The following ATOH8 variants were observed in gnomAD, a reference collection of about 807,000 sequenced individuals.
ATOH8 encodes atonal bHLH transcription factor 8, also known as transcription factor ATOH8.
In ATOH8, 9 loss-of-function variants were observed where a neutral mutation model predicts 21.2. The observed-to-expected ratio is 0.42, with a 90% CI of 0.26 to 0.74. The LOEUF (loss-of-function observed/expected upper bound fraction) is 0.74, where lower values mean the gene tolerates loss of function less well. Among genes scored for constraint, ATOH8 ranks in the 30% least tolerant of loss-of-function variants. The probability of loss-of-function intolerance (pLI) is 0.24; values close to 1 mark genes in which losing one functional copy is unlikely to be tolerated. For synonymous variants in ATOH8, 253 were observed against 224.0 expected, an observed-to-expected ratio of 1.13 and a Z score of -1.16; for missense variants, 524 against 470.9, an observed-to-expected ratio of 1.11 and a Z score of -1.04.
In ATOH8 at chr2:85,780,640, C is replaced by T. The variant is rs75807002; in HGVS notation, c.961-6245C>T. 1,196 of 153,636 alleles carry T rather than the reference C, an allele frequency of 7.8e-3. 6 individuals are homozygous for T. The highest frequency in any genetic ancestry group is 0.013 in the Non-Finnish European group (877 of 69,232). 9.5% of individuals were successfully genotyped at this position (153,636 alleles called of 1,614,324 possible). A position where few individuals can be genotyped will look rare whatever the true frequency, so the allele number is the denominator to read the frequency against. The stretch of plus-strand genomic sequence containing the variant: ...CCCCTAGAGTTAGACTGTAAGCTGC[C>T]GCAGTGCCTGGGACAGGACTGGCCC... On this transcript the variant is annotated intron_variant, in intron 2 of 2. Coordinates refer to ENST00000306279, the MANE Select transcript of ATOH8 (RefSeq NM_032827.7).
chr2:85,778,645 A>G (rs926005335), intron 2 of ATOH8, among the ~76,000 whole-genome samples: 1 of 152,124 alleles, frequency 6.6e-6, no homozygotes, highest in Admixed American at 6.5e-5. Context: ...GCTGGCCAGC[A>G]CTTTGGTGTG....
chr2:85,756,831 C>T (rs996996613), intron 1 of ATOH8, among the ~76,000 whole-genome samples: 2 of 150,378 alleles, frequency 1.3e-5, no homozygotes, highest in Admixed American at 6.6e-5. Context: ...TCATGTGCCA[C>T]CCCCCCAGCC....
chr2:85,773,963 G>A (rs1245410744), intron 2 of ATOH8: 7 of 449,078 alleles, frequency 1.6e-5, no homozygotes, highest in Non-Finnish European at 2.1e-5. Context: ...TTGGATGCTG[G>A]AGCTGGTCCC....
At chr2:85,765,761 G>A (rs1160716116) in intron 2 of ATOH8, among the ~76,000 whole-genome samples, 1 of 152,178 alleles carries the variant, frequency 6.6e-6, no homozygotes, top group Non-Finnish European at 1.5e-5. Context: ...CCGCCTTCCC[G>A]GGTTCTTTGA....
Position 85,754,207 on chromosome 2 carries a change from C to T in ATOH8, c.18C>T (p.Val6=). 1 of 1,597,892 alleles carries T rather than the reference C, an allele frequency of 6.3e-7. No homozygotes were observed. The highest frequency in any genetic ancestry group is 1.1e-5 in the South Asian group (1 of 89,996). ...CCCGCGCCATGAAGCACATCCCGGT[C>T]CTCGAGGACGGGCCGTGGAAGACCG... MKHIP[V]LEDGPWKTVC... is the part of the protein sequence containing the mutation. Residue 6 remains valine, a synonymous_variant, in exon 1 of 3, where the codon GTC becomes GTT. Transcript: ENST00000306279.
intron 2 of ATOH8, chr2:85,774,567 C>T (rs1045591971): frequency 7.1e-6 from 7 of 985,456 alleles, no homozygotes; most frequent in African/African-American, 1.7e-5. Flanking sequence ...TCACAGCCAC[C>T]GGCGCCTGTC....
At position 85,754,631 on chromosome 2, in the gene ATOH8, C is replaced by T. The variant is rs761588588; in HGVS notation, c.442C>T (p.Pro148Ser). 1.7e-5 allele frequency: 26 copies of T among 1,509,436 alleles called. No homozygotes were observed. Among genetic ancestry groups the T allele is most frequent in the Admixed American group, 4.4e-5 (2 of 45,480 alleles). 93.5% of individuals were successfully genotyped at this position (1,509,436 alleles called of 1,614,324 possible). A position where few individuals can be genotyped will look rare whatever the true frequency, so the allele number is the denominator to read the frequency against. ...GGPEAQPFRE[P>S]GLRPRILLCA... ...CCCAGAGGCACAGCCTTTCCGGGAG[C>T]CGGGTCTGCGTCCTCGCATCTTGCT... Residue 148 changes from proline to serine, a missense_variant, in exon 1 of 3, where the codon CCG becomes TCG. By Grantham distance (74) the Pro-to-Ser change is moderately conservative. Transcript: ENST00000306279.
In ATOH8 at chr2:85,764,127, G is replaced by A; in HGVS notation, c.905G>A (p.Cys302Tyr). ...CACAGCAACCTCAGCTTCTCCGAGT[G>A]TGTGCAGCGCTGCACCCGCACCCTG... is the stretch of plus-strand genomic sequence containing the variant. ...ADHSNLSFSECVQRCTRTLQA... is the reference protein window; with the variant it reads ...ADHSNLSFSEYVQRCTRTLQA... Residue 302 changes from cysteine to tyrosine, a missense_variant, in exon 2 of 3, where the codon TGT becomes TAT. By Grantham distance (194) the Cys-to-Tyr change is radical (BLOSUM62 -2). Transcript: ENST00000306279. 6.2e-7 allele frequency: 1 copy of A among 1,614,212 alleles called. No individual in the cohort carries two copies. The highest frequency in any genetic ancestry group is 8.5e-7 in the Non-Finnish European group (1 of 1,180,040).
intron 2 of ATOH8, among the ~76,000 whole-genome samples, chr2:85,767,560 T>TTC (rs1680049549): frequency 2.9e-5 from 1 of 34,600 alleles, no homozygotes; most frequent in Non-Finnish European, 5.9e-5. Context: ...TGGTATTCCC[T>TTC]CTTCCCCTCC....
chr2:85,787,080 C>A lies in ATOH8; in HGVS notation c.*190C>A. 1.5e-6 allele frequency: 1 copy of A among 689,576 alleles called. No homozygotes were observed. 42.7% of individuals were successfully genotyped at this position (689,576 alleles called of 1,614,324 possible). On this transcript the variant is annotated 3_prime_UTR_variant, in exon 3 of 3. Transcript: ENST00000306279. ...TCCCCTCCGCCCTCACCCAGCCAAT[C>A]CGAGGCTGCTTCGCACTTTGCCCTC...
intron 2 of ATOH8, among the ~76,000 whole-genome samples, chr2:85,780,108 C>T (rs1033906951): frequency 6.6e-6 from 1 of 152,146 alleles, no homozygotes; most frequent in African/African-American, 2.4e-5. Flanking sequence ...CCTCATTGTC[C>T]TGGACTAGGG....
At chr2:85,772,059 C>T (rs943117214) in intron 2 of ATOH8, among the ~76,000 whole-genome samples, 2 of 152,264 alleles carry the variant, frequency 1.3e-5, no homozygotes, top group Admixed American at 1.3e-4. Flanking sequence ...CAGCAAGTGC[C>T]TGGTGCCGTC....
At position 85,754,308 on chromosome 2, in the gene ATOH8, A is replaced by T. The variant is rs146220531; in HGVS notation, c.119A>T (p.Tyr40Phe). The change falls in exon 1 of 3, where the codon TAT becomes TTT. Residue 40 changes from tyrosine (Y) to phenylalanine (F), a missense_variant. By Grantham distance (22) the Tyr-to-Phe change is conservative. Transcript: ENST00000306279. The part of the protein sequence containing the change: ...GKEPARRANG[Y>F]KTFRLDLEAP... ...GAGCCGGCGCGGCGCGCGAACGGCT[A>T]TAAAACTTTCCGACTGGACTTGGAA... is the stretch of plus-strand genomic sequence containing the variant. 1 of 1,609,388 alleles carries T rather than the reference A, an allele frequency of 6.2e-7. No homozygotes were observed. Among genetic ancestry groups the T allele is most frequent in the African/African-American group, 1.4e-5 (1 of 74,072 alleles).
intron 1 of ATOH8, among the ~76,000 whole-genome samples, chr2:85,755,185 C>T (rs999184612): frequency 6.6e-6 from 1 of 152,250 alleles, no homozygotes. Context: ...CCTCAACCCC[C>T]GCCTCGGGGG....
chr2:85,763,069 C>T (rs1031524717), intron 1 of ATOH8, among the ~76,000 whole-genome samples: 10 of 152,206 alleles, frequency 6.6e-5, no homozygotes, highest in South Asian at 2.1e-4. Context: ...CAGGAGCCAT[C>T]GTTGCTGGAT....
intron 2 of ATOH8, among the ~76,000 whole-genome samples, chr2:85,776,913 C>G (rs1399109116): frequency 6.6e-6 from 1 of 152,166 alleles, no homozygotes; most frequent in African/African-American, 2.4e-5. Flanking sequence ...CCTCGCTTTC[C>G]TGCCAGCCCT....
intron 2 of ATOH8, among the ~76,000 whole-genome samples, chr2:85,783,193 G>A (rs1000325452): frequency 3.3e-5 from 5 of 152,196 alleles, no homozygotes; most frequent in Non-Finnish European, 7.3e-5. Flanking sequence ...GATTCAGCAC[G>A]TCAGAGCAGC....
intron 2 of ATOH8, among the ~76,000 whole-genome samples, chr2:85,768,429 G>T (rs570404332): frequency 1.3e-5 from 2 of 152,168 alleles, no homozygotes; most frequent in Non-Finnish European, 2.9e-5. Context: ...GGTTGCAGAA[G>T]CCTGGGAGCA....
chr2:85,786,792 T>C, intron 2 of ATOH8, 93 bp from the exon 3 acceptor site: 1 of 1,593,018 alleles, frequency 6.3e-7, no homozygotes, highest in South Asian at 1.1e-5. Flanking sequence ...CCCCTCTGCC[T>C]GGAGGACTCA....
Sources: gnomAD v4.1 joint callset for allele counts (sites outside exome capture counted in the v4.1 genomes callset) on GRCh38, gnomAD v4.1.1 for gene constraint, MANE v1.5 for transcripts, NCBI Gene and HGNC (gene_info 2026-07-23, HGNC 2026-07-21) for gene names.